The following MID1 variants were observed in gnomAD, a reference collection of about 807,000 sequenced individuals.
MID1 encodes E3 ubiquitin-protein ligase Midline-1.
A neutral mutation model predicts 40.4 loss-of-function variants in MID1; 7 were observed. The observed-to-expected ratio is 0.17, with a 90% CI of 0.10 to 0.33. The LOEUF (loss-of-function observed/expected upper bound fraction) is 0.33, where lower values mean the gene tolerates loss of function less well. Ranked by LOEUF, MID1 falls within the 10% of genes least tolerant of loss-of-function variation. The pLI is 1.00. For missense variants in MID1, 367 were observed against 558.5 expected, an observed-to-expected ratio of 0.66 and a Z score of 3.46; for synonymous variants, 229 against 221.2, an observed-to-expected ratio of 1.04 and a Z score of -0.31.
chrX:10,726,089 G>A (rs1475534279), intron 1 of MID1, among the ~76,000 whole-genome samples: 1 of 111,651 alleles, frequency 9.0e-6, no homozygotes, highest in Non-Finnish European at 1.9e-5. Flanking sequence ...AGGTAAGGCT[G>A]TGTAAATAAG....
At chrX:10,571,973 G>A (rs1934739431) in intron 1 of MID1, among the ~76,000 whole-genome samples, 1 of 109,350 alleles carries the variant, frequency 9.1e-6, no homozygotes, top group Non-Finnish European at 1.9e-5. Context: ...CTATATAGGG[G>A]GAGAGGAGAC....
At chrX:10,717,615 C>T (rs1478725269) in intron 1 of MID1, among the ~76,000 whole-genome samples, 1 of 110,232 alleles carries the variant, frequency 9.1e-6, no homozygotes, top group African/African-American at 3.3e-5. Flanking sequence ...TAACACCCCA[C>T]TGTCAACATT....
At chrX:10,557,825 T>A (rs1934180325) in intron 2 of MID1, among the ~76,000 whole-genome samples, 1 of 111,793 alleles carries the variant, frequency 8.9e-6, no homozygotes, top group Admixed American at 9.5e-5. Context: ...CTCCTATTTC[T>A]TCCTAGTTTT....
At chrX:10,724,418 T>A (rs187122256) in intron 1 of MID1, among the ~76,000 whole-genome samples, 27 of 112,158 alleles carry the variant, frequency 2.4e-4, no homozygotes, top group African/African-American at 8.7e-4. Flanking sequence ...GCCAGTGATG[T>A]CTATCTAAAG....
At chrX:10,479,012 T>C (rs1374045829) in intron 5 of MID1, among the ~76,000 whole-genome samples, 1 of 110,447 alleles carries the variant, frequency 9.1e-6, no homozygotes, top group Non-Finnish European at 1.9e-5. Context: ...AGACAGAGAG[T>C]AGCATTGGAA....
At chrX:10,456,472 A>T (rs1383144268) in intron 8 of MID1, among the ~76,000 whole-genome samples, 1 of 112,590 alleles carries the variant, frequency 8.9e-6, no homozygotes, top group Non-Finnish European at 1.9e-5. Context: ...TTACAAAATC[A>T]GGCAGCCAGA....
intron 1 of MID1, among the ~76,000 whole-genome samples, chrX:10,717,307 G>A (rs1391567675): frequency 3.7e-5 from 4 of 108,552 alleles, no homozygotes; most frequent in Non-Finnish European, 7.6e-5. Context: ...CCCATCTCAC[G>A]TGCAGAGATA....
intron 1 of MID1, among the ~76,000 whole-genome samples, chrX:10,581,111 T>C (rs1247503386): frequency 9.1e-6 from 1 of 109,985 alleles, no homozygotes; most frequent in Non-Finnish European, 1.9e-5. Context: ...TAGCTGGTCA[T>C]GGTGGCGGGT....
chrX:10,490,471 C>G (rs1054910600), intron 4 of MID1, among the ~76,000 whole-genome samples: 2 of 111,386 alleles, frequency 1.8e-5, no homozygotes, highest in Non-Finnish European at 3.8e-5. Flanking sequence ...CCCTCCTACT[C>G]TGGGATCATA....
chrX:10,719,158 A>G (rs2043328444), intron 1 of MID1, among the ~76,000 whole-genome samples: 1 of 111,292 alleles, frequency 9.0e-6, no homozygotes, highest in Non-Finnish European at 1.9e-5. Context: ...GCCCTCTCTC[A>G]CCACTCCTAT....
intron 9 of MID1, among the ~76,000 whole-genome samples, chrX:10,450,270 T>C (rs772729463): frequency 2.7e-5 from 3 of 112,613 alleles, no homozygotes; most frequent in South Asian, 7.4e-4. Flanking sequence ...ACTTCTCCTT[T>C]TGACCTTCTT....
chrX:10,506,644 A>G (rs1931857632), intron 3 of MID1, among the ~76,000 whole-genome samples: 1 of 111,722 alleles, frequency 9.0e-6, no homozygotes. Flanking sequence ...TGTGAGTGCA[A>G]TATGGGTATG....
At chrX:10,552,189 G>A (rs1435019990) in intron 2 of MID1, among the ~76,000 whole-genome samples, 2 of 109,452 alleles carry the variant, frequency 1.8e-5, no homozygotes, top group Non-Finnish European at 3.8e-5. Flanking sequence ...AAAAAATAGG[G>A]AATGTCGGAG....
intron 1 of MID1, among the ~76,000 whole-genome samples, chrX:10,822,031 C>T (rs2044178255): frequency 9.1e-6 from 1 of 109,933 alleles, no homozygotes; most frequent in Non-Finnish European, 1.9e-5. Context: ...TTTCTTTTCT[C>T]CCCTGACCTC....
At chrX:10,491,592 C>G (rs1407671908) in intron 4 of MID1, among the ~76,000 whole-genome samples, 1 of 111,021 alleles carries the variant, frequency 9.0e-6, no homozygotes, top group African/African-American at 3.3e-5. Context: ...CCTTCAGATA[C>G]TTTTTTGCTG....
At chrX:10,569,408 T>C (rs1934661629) in intron 1 of MID1, among the ~76,000 whole-genome samples, 1 of 112,557 alleles carries the variant, frequency 8.9e-6, no homozygotes, top group Non-Finnish European at 1.9e-5. Flanking sequence ...CTAGGGTTGC[T>C]GTTGTAAGAA....
intron 3 of MID1, among the ~76,000 whole-genome samples, chrX:10,512,804 T>C (rs757456651): frequency 5.4e-4 from 60 of 112,102 alleles, no homozygotes; most frequent in Admixed American, 1.8e-3. Context: ...ATGAACTTGA[T>C]GTTATATCTA....
chrX:10,570,993 T>C (rs201584622), intron 1 of MID1, among the ~76,000 whole-genome samples: 1 of 57,250 alleles, frequency 1.7e-5, no homozygotes, highest in Non-Finnish European at 5.5e-5. Flanking sequence ...AACAAGCACT[T>C]ACAAGTTTCC....
At chrX:10,821,723 CTTT>C (rs894843848) in intron 1 of MID1, among the ~76,000 whole-genome samples, 19 of 112,447 alleles carry the variant, frequency 1.7e-4, no homozygotes, top group Admixed American at 2.8e-4. Flanking sequence ...TTACTTTCTT[CTTT>C]ATTTATCCTT....
Sources: allele counts gnomAD v4.1 joint callset (sites outside exome capture counted in the v4.1 genomes callset), GRCh38; gene constraint gnomAD v4.1.1; transcripts MANE v1.5; gene names NCBI Gene and HGNC (gene_info 2026-07-23, HGNC 2026-07-21).